ZMIZ1: variants seen among roughly 807,000 people sequenced by gnomAD.
ZMIZ1 encodes zinc finger MIZ-type containing 1.
ZMIZ1 carries 17 observed loss-of-function variants against 113.9 expected under a neutral mutation model. The observed-to-expected ratio is 0.15, with a 90% CI of 0.10 to 0.22. ZMIZ1 has a LOEUF of 0.22. Among genes scored for constraint, ZMIZ1 ranks in the 10% least tolerant of loss-of-function variants. The pLI is 1.00. For missense variants in ZMIZ1, 1,059 were observed against 1,477.8 expected, an observed-to-expected ratio of 0.72 and a Z score of 4.65; for synonymous variants, 607 against 603.1, an observed-to-expected ratio of 1.01 and a Z score of -0.09.
At chr10:79,189,230 C>G (rs1847491847) in intron 4 of ZMIZ1, among the ~76,000 whole-genome samples, 1 of 152,192 alleles carries the variant, frequency 6.6e-6, no homozygotes, top group Admixed American at 6.5e-5. Context: ...GGCATGGGAC[C>G]CCTGCCTCCC....
chr10:79,280,637 C>T (rs1852672355), intron 8 of ZMIZ1, among the ~76,000 whole-genome samples: 1 of 151,664 alleles, frequency 6.6e-6, no homozygotes, highest in Admixed American at 6.6e-5. Context: ...TGGTCCCTAC[C>T]CACTCTGTTC....
rs755456095 is a variant in ZMIZ1, at chr10:79,175,624, GTGTGTGGAGGTTTT to G, written c.-50+13493_-50+13506del. 1.9e-3 allele frequency among the ~76,000 whole-genome samples: 199 copies of G among 107,396 alleles called. 2 individuals carry two copies. The highest frequency in any genetic ancestry group is 8.0e-3 in the African/African-American group (167 of 20,848). 70.5% of individuals were successfully genotyped at this position (107,396 alleles called of 152,430 possible). A position where few individuals can be genotyped will look rare whatever the true frequency, so the allele number is the denominator to read the frequency against. On this transcript the variant is annotated intron_variant, in intron 4 of 24. Coordinates refer to ENST00000334512, the MANE Select transcript of ZMIZ1 (RefSeq NM_020338.4). ...TGTGTGTGTGTGTGTGTGTGTGTGT[GTGTGTGGAGGTTTT>G]TACAGACCCGCATGTATGTGTCCCT...
intron 3 of ZMIZ1, among the ~76,000 whole-genome samples, chr10:79,147,208 G>A (rs1412278283): frequency 6.6e-6 from 1 of 152,148 alleles, no homozygotes; most frequent in Non-Finnish European, 1.5e-5. Context: ...GGCCTGGGCT[G>A]GGGAATGGCC....
chr10:79,248,477 ACTC>A (rs949465232), intron 7 of ZMIZ1, among the ~76,000 whole-genome samples: 10 of 151,962 alleles, frequency 6.6e-5, no homozygotes, highest in African/African-American at 2.4e-4. Flanking sequence ...AGGCACTGGG[ACTC>A]CTCCTGCTTC....
intron 4 of ZMIZ1, among the ~76,000 whole-genome samples, chr10:79,200,881 C>T (rs146832376): frequency 1.3e-5 from 2 of 152,162 alleles, no homozygotes; most frequent in East Asian, 3.9e-4. Flanking sequence ...GGGAAGGTCC[C>T]CCTGCATGCA....
chr10:79,087,647 A>G (rs1411988933), intron 1 of ZMIZ1, among the ~76,000 whole-genome samples: 1 of 152,104 alleles, frequency 6.6e-6, no homozygotes, highest in East Asian at 1.9e-4. Flanking sequence ...CTTCCACTCT[A>G]CTTAAAACTC....
At chr10:79,140,653 C>T (rs903873868) in intron 3 of ZMIZ1, among the ~76,000 whole-genome samples, 2 of 152,168 alleles carry the variant, frequency 1.3e-5, no homozygotes, top group Admixed American at 6.5e-5. Flanking sequence ...ACCACCTATC[C>T]GTCCTTCCAT....
At chr10:79,199,240 G>T (rs899483471) in intron 4 of ZMIZ1, among the ~76,000 whole-genome samples, 3 of 151,996 alleles carry the variant, frequency 2.0e-5, no homozygotes, top group Non-Finnish European at 2.9e-5. Context: ...AGGCGTGGTG[G>T]CTCACACCTG....
chr10:79,150,391 T>C (rs556448826), intron 3 of ZMIZ1, among the ~76,000 whole-genome samples: 1 of 152,352 alleles, frequency 6.6e-6, no homozygotes, highest in Admixed American at 6.5e-5. Flanking sequence ...TCCCTGGGCC[T>C]CCCCGTGGTG....
rs1851223244 is a variant in ZMIZ1 at position 79,260,957 on chromosome 10, G to A, written c.281-16224G>A. ...AGGAAAATGAACAGAGAAAGGAGGC[G>A]TGTCTCATTTCTGCCTAGCCTGCAG... On this transcript the variant is annotated intron_variant, in intron 7 of 24. Coordinates refer to ENST00000334512, the MANE Select transcript of ZMIZ1 (RefSeq NM_020338.4). 3.3e-5 allele frequency among the ~76,000 whole-genome samples: 5 copies of A among 152,302 alleles called. No individual in the cohort carries two copies. In the South Asian group the frequency reaches 6.2e-4, roughly 19 times the overall value.
At chr10:79,097,186 T>C (rs780171427) in intron 1 of ZMIZ1, among the ~76,000 whole-genome samples, 1 of 152,158 alleles carries the variant, frequency 6.6e-6, no homozygotes, top group African/African-American at 2.4e-5. Flanking sequence ...GGGTCCCACA[T>C]GGTGCTGGCT....
chr10:79,255,940 CA>C (rs1382609440), intron 7 of ZMIZ1, among the ~76,000 whole-genome samples: 3 of 152,222 alleles, frequency 2.0e-5, no homozygotes, highest in Non-Finnish European at 4.4e-5. Context: ...GAATTACCCC[CA>C]AATTGGTTTA....
At chr10:79,258,801 G>A (rs78286722) in intron 7 of ZMIZ1, among the ~76,000 whole-genome samples, 7 of 152,190 alleles carry the variant, frequency 4.6e-5, no homozygotes, top group African/African-American at 1.7e-4. Flanking sequence ...CCCAAGGCCT[G>A]CCCCAGGGCA....
intron 8 of ZMIZ1, chr10:79,285,705 T>C: frequency 2.5e-6 from 1 of 398,870 alleles, no homozygotes; most frequent in South Asian, 1.8e-5. Flanking sequence ...TGTGAAGACA[T>C]CATGCTTGGC....
At chr10:79,310,243 G>C (rs551794707) in intron 23 of ZMIZ1, among the ~76,000 whole-genome samples, 1 of 152,310 alleles carries the variant, frequency 6.6e-6, no homozygotes, top group East Asian at 1.9e-4. Flanking sequence ...GGGATGTCTA[G>C]GAAAAGGGTC....
chr10:79,133,578 G>A (rs989169173), intron 2 of ZMIZ1, among the ~76,000 whole-genome samples: 1 of 152,150 alleles, frequency 6.6e-6, no homozygotes, highest in Non-Finnish European at 1.5e-5. Flanking sequence ...CCTGCTTCCT[G>A]CCAGGGAGGC....
rs149782373 is a variant in ZMIZ1, at chr10:79,296,805, C to T, written c.1413+152C>T. On this transcript the variant is annotated intron_variant, in intron 13 of 24. Coordinates refer to ENST00000334512, the MANE Select transcript of ZMIZ1 (RefSeq NM_020338.4). The surrounding 1 kb of genome is among the most constrained non-coding windows in gnomAD (Gnocchi z 4.1). ...TCTGAACGTCCCCATGTGTTCAGGG[C>T]GAAGTTCGGTGGCCAGAATGTCAGA... The T allele has an allele frequency of 4.3e-3, 2,719 of 627,118 alleles. 60 individuals are homozygous for T. The highest frequency in any genetic ancestry group is 4.1e-4 in the Non-Finnish European group (169 of 407,980). 38.8% of individuals were successfully genotyped at this position (627,118 alleles called of 1,614,324 possible).
At chr10:79,169,632 A>C (rs1251928189) in intron 4 of ZMIZ1, among the ~76,000 whole-genome samples, 1 of 152,226 alleles carries the variant, frequency 6.6e-6, no homozygotes, top group Non-Finnish European at 1.5e-5. Flanking sequence ...AGTGTGATAG[A>C]GGATAAAGTG....
chr10:79,077,795 C>T (rs1278910312), intron 1 of ZMIZ1, among the ~76,000 whole-genome samples: 1 of 152,212 alleles, frequency 6.6e-6, no homozygotes, highest in African/African-American at 2.4e-5. Context: ...CTACCTCCTC[C>T]ATAGGTTGAG....
Sources: gnomAD v4.1 joint callset for allele counts (sites outside exome capture counted in the v4.1 genomes callset) on GRCh38, gnomAD v4.1.1 for gene constraint, Gnocchi (gnomAD v3.1) non-coding constraint, MANE v1.5 for transcripts, NCBI Gene and HGNC (gene_info 2026-07-23, HGNC 2026-07-21) for gene names.